SHANK2: variants seen among roughly 807,000 people sequenced by gnomAD.
SHANK2 encodes SH3 and multiple ankyrin repeat domains 2, also known as SH3 and multiple ankyrin repeat domains protein 2.
Under a neutral mutation model 133.7 loss-of-function variants are expected in SHANK2, and 43 were observed. The observed-to-expected ratio is 0.32, with a 90% CI of 0.25 to 0.41. SHANK2 has a LOEUF of 0.41. Ranked by LOEUF, SHANK2 falls within the 10% of genes least tolerant of loss-of-function variation. The pLI, the probability that SHANK2 is intolerant of heterozygous loss-of-function variation, is 1.00. For synonymous variants in SHANK2, 1,017 were observed against 952.8 expected (o/e 1.07, Z -1.24); for missense variants, 1,994 against 2,235.8 (o/e 0.89, Z 2.18).
chr11:71,065,454 A>C (rs1951038990), intron 9 of SHANK2, among the ~76,000 whole-genome samples: 7 of 31,360 alleles, frequency 2.2e-4, no homozygotes, highest in Non-Finnish European at 2.4e-4. Flanking sequence ...TGAGTGGGGA[A>C]GTTGGGGGGT....
chr11:70,707,202 T>C (rs1357363621), intron 14 of SHANK2, among the ~76,000 whole-genome samples: 1 of 151,532 alleles, frequency 6.6e-6, no homozygotes, highest in Non-Finnish European at 1.5e-5. Context: ...CAAAAACCCA[T>C]CTCTACTAAA....
intron 6 of SHANK2, among the ~76,000 whole-genome samples, chr11:71,095,085 C>G (rs1003571256): frequency 6.6e-6 from 1 of 152,254 alleles, no homozygotes. Flanking sequence ...CAGACACCCA[C>G]CTTTCCTCAT....
chr11:71,115,332 G>A (rs553554103), intron 4 of SHANK2, among the ~76,000 whole-genome samples: 1 of 152,242 alleles, frequency 6.6e-6, no homozygotes, highest in South Asian at 2.1e-4. Flanking sequence ...AGCTGGGCGT[G>A]GTGGTGGGCA....
At chr11:70,630,753 G>C (rs1393125994) in intron 17 of SHANK2, among the ~76,000 whole-genome samples, 1 of 152,194 alleles carries the variant, frequency 6.6e-6, no homozygotes, top group African/African-American at 2.4e-5. Context: ...TAGAGCACTG[G>C]AGGGAGAGGG....
chr11:70,927,754 G>A (rs1368035216), intron 10 of SHANK2, among the ~76,000 whole-genome samples: 1 of 152,112 alleles, frequency 6.6e-6, no homozygotes, highest in Non-Finnish European at 1.5e-5. Flanking sequence ...ATATATCTGG[G>A]AGAATGTTCC....
At chr11:70,499,474 TCTCC>T (rs1280233486) in intron 21 of SHANK2, among the ~76,000 whole-genome samples, 1 of 152,152 alleles carries the variant, frequency 6.6e-6, no homozygotes, top group Non-Finnish European at 1.5e-5. Flanking sequence ...CCCGAACTGT[TCTCC>T]CTGACAAGGG....
At chr11:71,121,873 C>G (rs1237887489) in intron 3 of SHANK2, among the ~76,000 whole-genome samples, 1 of 152,182 alleles carries the variant, frequency 6.6e-6, no homozygotes, top group African/African-American at 2.4e-5. Context: ...GACATTTATG[C>G]AGCCAACAGA....
At chr11:70,875,524 AAACAAC>A (rs71049946) in intron 11 of SHANK2, among the ~76,000 whole-genome samples, 315 of 146,550 alleles carry the variant, frequency 2.1e-3, no homozygotes, top group Admixed American at 4.2e-3. Flanking sequence ...ACTCCGTCTC[AAACAAC>A]AACAACAACA....
At chr11:71,058,803 C>T (rs1194053444) in intron 9 of SHANK2, among the ~76,000 whole-genome samples, 18 of 152,386 alleles carry the variant, frequency 1.2e-4, no homozygotes, top group African/African-American at 3.1e-4. Flanking sequence ...TTCCCACCCA[C>T]GACAGGTCAG....
In SHANK2 at chr11:71,057,191, GGGCATGGA is replaced by G. The variant is rs1950931245; in HGVS notation, c.1030-641_1030-634del. ...CTCTACAAAAATACAAAAATTAGCC[GGGCATGGA>G]GGCATGCGCCTGTAATCCCAGCTAC... On this transcript the variant is annotated intron_variant, in intron 9 of 25. Coordinates refer to ENST00000601538, the MANE Select transcript of SHANK2 (RefSeq NM_012309.5). Among the ~76,000 whole-genome samples, 3 of 152,012 alleles carry G rather than the reference GGGCATGGA, an allele frequency of 2.0e-5. No individual in the cohort carries two copies. In the South Asian group the frequency reaches 6.2e-4, roughly 32 times the overall value.
At chr11:70,689,733 C>T (rs1945235802) in intron 15 of SHANK2, among the ~76,000 whole-genome samples, 2 of 152,110 alleles carry the variant, frequency 1.3e-5, no homozygotes, top group South Asian at 4.2e-4. Context: ...ACCAAGAAGA[C>T]AAAACAGTCC....
At chr11:70,928,253 C>A (rs1294036138) in intron 10 of SHANK2, among the ~76,000 whole-genome samples, 2 of 152,124 alleles carry the variant, frequency 1.3e-5, no homozygotes, top group Non-Finnish European at 2.9e-5. Flanking sequence ...GCCCCCTCCA[C>A]CATGCATTCC....
At chr11:70,787,246 C>T (rs1405528850) in intron 14 of SHANK2, among the ~76,000 whole-genome samples, 16 of 149,246 alleles carry the variant, frequency 1.1e-4, no homozygotes, top group African/African-American at 4.0e-4. Context: ...CTATCATCGC[C>T]GTGACCACCA....
At chr11:70,550,674 G>A (rs982964797) in intron 17 of SHANK2, among the ~76,000 whole-genome samples, 1 of 152,178 alleles carries the variant, frequency 6.6e-6, no homozygotes, top group Non-Finnish European at 1.5e-5. Context: ...AAGGTCCCAC[G>A]TGAAGGAGAA....
chr11:70,910,389 A>C (rs1439904157), intron 10 of SHANK2, among the ~76,000 whole-genome samples: 1 of 152,220 alleles, frequency 6.6e-6, no homozygotes, highest in African/African-American at 2.4e-5. Context: ...GTTTTCAGGG[A>C]GCAGAGGGTG....
intron 14 of SHANK2, among the ~76,000 whole-genome samples, chr11:70,737,545 A>G (rs996274281): frequency 5.9e-5 from 9 of 152,026 alleles, no homozygotes; most frequent in African/African-American, 2.2e-4. Flanking sequence ...ATCCCTGGCC[A>G]CCTCCATCGC....
intron 9 of SHANK2, among the ~76,000 whole-genome samples, chr11:71,066,095 G>T (rs1449734700): frequency 3.3e-5 from 4 of 122,228 alleles, no homozygotes; most frequent in Admixed American, 2.4e-4. Context: ...GTTGGTGGGG[G>T]GGGTGTGTGC....
chr11:70,743,739 G>A (rs961469744), intron 14 of SHANK2, among the ~76,000 whole-genome samples: 1 of 152,104 alleles, frequency 6.6e-6, no homozygotes, highest in Admixed American at 6.5e-5. Context: ...TCCTCCAGGC[G>A]GGATCCTCAG....
intron 17 of SHANK2, among the ~76,000 whole-genome samples, chr11:70,555,830 T>A (rs2059821752): frequency 6.6e-6 from 1 of 152,186 alleles, no homozygotes; most frequent in South Asian, 2.1e-4. Context: ...GTGGTCTGGA[T>A]AGAAAATCAA....
Sources: gnomAD v4.1 joint callset for allele counts (sites outside exome capture counted in the v4.1 genomes callset) on GRCh38, gnomAD v4.1.1 for gene constraint, MANE v1.5 for transcripts, NCBI Gene and HGNC (gene_info 2026-07-23, HGNC 2026-07-21) for gene names.